Variants in DOK6 observed in about 807,000 individuals in gnomAD.
The protein encoded by DOK6 is docking protein 6, also known as downstream of tyrosine kinase 6.
Under a neutral mutation model 44.0 loss-of-function variants are expected in DOK6, and 22 were observed. The ratio of observed to expected loss-of-function variants is 0.50; its 90% CI spans 0.36 to 0.71. DOK6 has a LOEUF of 0.71. DOK6 is among the 30% of genes least tolerant of loss of function. The probability of loss-of-function intolerance (pLI) is 0.00; values close to 1 mark genes in which losing one functional copy is unlikely to be tolerated. For missense variants in DOK6, 340 were observed against 416.4 expected (o/e 0.82, Z 1.60); for synonymous variants, 166 against 145.5 (o/e 1.14, Z -1.01).
chr18:69,559,768 C>CT (rs1982782580), intron 1 of DOK6, among the ~76,000 whole-genome samples: 1 of 152,070 alleles, frequency 6.6e-6, no homozygotes, highest in Non-Finnish European at 1.5e-5. Flanking sequence ...GGTGCCAGCC[C>CT]CATTGGGTTC....
At chr18:69,715,790 C>G (rs1004818975) in intron 5 of DOK6, among the ~76,000 whole-genome samples, 1 of 152,160 alleles carries the variant, frequency 6.6e-6, no homozygotes, top group Non-Finnish European at 1.5e-5. Context: ...CCTTGACTTT[C>G]TATTTGCTTT....
At chr18:69,738,528 TTC>T (rs1430398069) in intron 5 of DOK6, among the ~76,000 whole-genome samples, 1 of 152,212 alleles carries the variant, frequency 6.6e-6, no homozygotes, top group African/African-American at 2.4e-5. Flanking sequence ...AGAATTTGCA[TTC>T]TGATTTTTCC....
At chr18:69,406,206 A>G (rs184854737) in intron 1 of DOK6, among the ~76,000 whole-genome samples, 2 of 152,318 alleles carry the variant, frequency 1.3e-5, no homozygotes, top group East Asian at 1.9e-4. Flanking sequence ...CAAAGATCTT[A>G]TATATCTTCT....
intron 5 of DOK6, among the ~76,000 whole-genome samples, chr18:69,704,441 T>C (rs1986588093): frequency 6.6e-6 from 1 of 151,876 alleles, no homozygotes; most frequent in Non-Finnish European, 1.5e-5. Flanking sequence ...CTGCAGGCGA[T>C]TTGTAGCAGT....
chr18:69,778,070 T>C (rs1466888657), intron 7 of DOK6: 6 of 152,114 alleles, frequency 3.9e-5, no homozygotes, highest in Non-Finnish European at 1.5e-5. Context: ...CCAATAACTG[T>C]AGCTGAAAAG....
At chr18:69,765,965 C>T (rs1476243549) in intron 7 of DOK6, among the ~76,000 whole-genome samples, 1 of 152,068 alleles carries the variant, frequency 6.6e-6, no homozygotes, top group Admixed American at 6.6e-5. Context: ...GCCTACCCCA[C>T]CCCTGCACAG....
chr18:69,723,460 A>G (rs938500560), intron 5 of DOK6, among the ~76,000 whole-genome samples: 3 of 152,164 alleles, frequency 2.0e-5, no homozygotes. Context: ...GATGGGGACA[A>G]TTGCTAGTTT....
chr18:69,417,224 T>C (rs188580837), intron 1 of DOK6, among the ~76,000 whole-genome samples: 1 of 152,206 alleles, frequency 6.6e-6, no homozygotes, highest in African/African-American at 2.4e-5. Flanking sequence ...CTCCCCTCCC[T>C]ACTACTTTTC....
At chr18:69,460,558 A>G (rs1292749919) in intron 1 of DOK6, among the ~76,000 whole-genome samples, 1 of 152,192 alleles carries the variant, frequency 6.6e-6, no homozygotes, top group Non-Finnish European at 1.5e-5. Flanking sequence ...TTCCGTATCT[A>G]TATAACATCC....
At chr18:69,715,870 G>A (rs1207466358) in intron 5 of DOK6, among the ~76,000 whole-genome samples, 1 of 152,174 alleles carries the variant, frequency 6.6e-6, no homozygotes, top group Non-Finnish European at 1.5e-5. Flanking sequence ...GGAAGTGATT[G>A]GGGTATGGAC....
In DOK6 at chr18:69,579,710, C is replaced by T. The variant is rs539045398; in HGVS notation, c.174+15116C>T. ...TCCCGAGTAGCTGGAATTACAGGCA[C>T]CCACCACCACGCCCAGCTAATTTTT... On this transcript the variant is annotated intron_variant, in intron 2 of 7. Transcript: ENST00000382713. Among the ~76,000 whole-genome samples the T allele has an allele frequency of 2.0e-5, 3 of 152,140 alleles. No homozygotes were observed. The South Asian group carries it at 6.2e-4, about 32-fold the overall frequency.
At chr18:69,699,467 A>G (rs1986462802) in intron 5 of DOK6, among the ~76,000 whole-genome samples, 1 of 152,120 alleles carries the variant, frequency 6.6e-6, no homozygotes, top group East Asian at 1.9e-4. Flanking sequence ...TTAAAATTTT[A>G]AGGAGGGAAA....
chr18:69,575,795 T>C (rs1014971287), intron 2 of DOK6, among the ~76,000 whole-genome samples: 3 of 152,122 alleles, frequency 2.0e-5, no homozygotes, highest in Non-Finnish European at 2.9e-5. Flanking sequence ...AAATTTTTTA[T>C]ATTTACAAAG....
At chr18:69,776,825 T>C (rs1028570543) in intron 7 of DOK6, among the ~76,000 whole-genome samples, 1 of 152,050 alleles carries the variant, frequency 6.6e-6, no homozygotes, top group Admixed American at 6.6e-5. Flanking sequence ...TATCAATATA[T>C]TCTAAAGAAA....
At chr18:69,650,448 G>A (rs1379923400) in intron 3 of DOK6, among the ~76,000 whole-genome samples, 4 of 152,200 alleles carry the variant, frequency 2.6e-5, no homozygotes, top group East Asian at 1.9e-4. Flanking sequence ...TGTCAGACCC[G>A]GGGTCCTAAA....
intron 1 of DOK6, among the ~76,000 whole-genome samples, chr18:69,482,932 T>C (rs1218918660): frequency 6.6e-6 from 1 of 151,986 alleles, no homozygotes; most frequent in Non-Finnish European, 1.5e-5. Context: ...GCAGGTTTGC[T>C]ACACAGGTAA....
intron 3 of DOK6, among the ~76,000 whole-genome samples, chr18:69,633,022 G>A (rs147520949): frequency 6.4e-4 from 98 of 152,304 alleles, no homozygotes; most frequent in African/African-American, 2.4e-3. Context: ...GATTCTCCAT[G>A]TCTGGTCCAT....
intron 3 of DOK6, among the ~76,000 whole-genome samples, chr18:69,668,529 C>T (rs964157096): frequency 6.6e-6 from 1 of 152,162 alleles, no homozygotes; most frequent in African/African-American, 2.4e-5. Flanking sequence ...GGAGTGTACT[C>T]ATAGTTTTCT....
At chr18:69,686,439 C>A (rs987559514) in intron 4 of DOK6, among the ~76,000 whole-genome samples, 1 of 152,086 alleles carries the variant, frequency 6.6e-6, no homozygotes, top group Non-Finnish European at 1.5e-5. Context: ...TAATTTGTAA[C>A]TTTTCACTTT....
Sources: allele counts gnomAD v4.1 joint callset (sites outside exome capture counted in the v4.1 genomes callset), GRCh38; gene constraint gnomAD v4.1.1; transcripts MANE v1.5; gene names NCBI Gene and HGNC (gene_info 2026-07-23, HGNC 2026-07-21).